LUC7L2: variants seen among roughly 807,000 people sequenced by gnomAD.
LUC7L2 encodes LUC7 like 2, pre-mRNA splicing factor.
A neutral mutation model predicts 52.8 loss-of-function variants in LUC7L2; 25 were observed. That is an observed-to-expected ratio of 0.47 (90% CI 0.34 to 0.66). The LOEUF is 0.66. LUC7L2 is among the 30% of genes least tolerant of loss of function. The pLI, the probability that LUC7L2 is intolerant of heterozygous loss-of-function variation, is 0.01. For missense variants in LUC7L2, 328 were observed against 497.8 expected, an observed-to-expected ratio of 0.66 and a Z score of 3.25; for synonymous variants, 144 against 160.9, an observed-to-expected ratio of 0.89 and a Z score of 0.80.
rs1018564031 is a variant in LUC7L2 at position 139,340,500 on chromosome 7, A to G, written c.-43A>G. 14 of 398,436 alleles carry G rather than the reference A, an allele frequency of 3.5e-5. No individual in the cohort carries two copies. The Admixed American group carries it at 3.5e-4, about 10-fold the overall frequency. 24.7% of individuals were successfully genotyped at this position (398,436 alleles called of 1,614,324 possible). A position where few individuals can be genotyped will look rare whatever the true frequency, so the allele number is the denominator to read the frequency against. The stretch of plus-strand genomic sequence containing the variant: ...CGCGCGCCCGTTCAACGTCCGGAGC[A>G]TCGGTGCAGTTTCGAGGGTAAAGCC... On this transcript the variant is annotated 5_prime_UTR_variant, in exon 1 of 11. Transcript: ENST00000541170.
chr7:139,387,529 C>T (rs1313886038), intron 2 of LUC7L2, among the ~76,000 whole-genome samples: 2 of 151,852 alleles, frequency 1.3e-5, no homozygotes, highest in African/African-American at 4.8e-5. Flanking sequence ...CTCTTGTTTC[C>T]TGATGGAAAC....
intron 2 of LUC7L2, among the ~76,000 whole-genome samples, chr7:139,384,699 C>T (rs1051822165): frequency 4.6e-5 from 7 of 152,062 alleles, no homozygotes; most frequent in Admixed American, 1.3e-4. Context: ...AAATAGTAAA[C>T]GGGGTACTCA....
intron 9 of LUC7L2, among the ~76,000 whole-genome samples, chr7:139,419,404 T>C (rs1180012787): frequency 6.6e-6 from 1 of 152,174 alleles, no homozygotes; most frequent in Non-Finnish European, 1.5e-5. Flanking sequence ...GGAGGGAGTT[T>C]GTAAAGGACA....
intron 3 of LUC7L2, among the ~76,000 whole-genome samples, chr7:139,400,277 C>T (rs942297305): frequency 6.6e-6 from 1 of 152,032 alleles, no homozygotes; most frequent in African/African-American, 2.4e-5. Flanking sequence ...GAGGCCGAGG[C>T]AGGGGTGGAT....
At chr7:139,420,148 A>G (rs1008082799) in intron 9 of LUC7L2, among the ~76,000 whole-genome samples, 2 of 152,166 alleles carry the variant, frequency 1.3e-5, no homozygotes, top group South Asian at 2.1e-4. Flanking sequence ...CTGTTCAAAC[A>G]TGTTTAGTGC....
chr7:139,413,146 A>G lies in LUC7L2; in HGVS notation c.809+566A>G, dbSNP rs528109576. On this transcript the variant is annotated intron_variant, in intron 8 of 9. Transcript: ENST00000354926. ...ATTTGCAGCCTTAAAAGAGCAAGAC[A>G]ATACTTTGTTTTGACTTTCAGCGTT... Among the ~76,000 whole-genome samples the G allele has an allele frequency of 4.6e-5, 7 of 152,356 alleles. No homozygotes were observed. The South Asian group carries it at 1.5e-3, about 32-fold the overall frequency.
intron 9 of LUC7L2, among the ~76,000 whole-genome samples, chr7:139,418,926 T>C (rs1795751134): frequency 6.6e-6 from 1 of 152,036 alleles, no homozygotes; most frequent in Admixed American, 6.6e-5. Context: ...AAGACCAGCC[T>C]GGCCAACCAA....
chr7:139,404,773 G>A (rs1018679392), intron 4 of LUC7L2, among the ~76,000 whole-genome samples: 2 of 152,206 alleles, frequency 1.3e-5, no homozygotes, highest in African/African-American at 4.8e-5. Context: ...AATCAGCAAG[G>A]TGCTATGCAG....
Position 139,423,403 on chromosome 7 carries a change from G to GTGTT in LUC7L2, c.*1065_*1068dup, listed in dbSNP as rs2116371017. ...GGCTCGACCTGCAGAAGAAACTGGG[G>GTGTT]TGTTTTTATTCTCATTCAACAAACC... On this transcript the variant is annotated 3_prime_UTR_variant, in exon 10 of 10. Transcript: ENST00000354926. 1 of 398,964 alleles carries GTGTT rather than the reference G, an allele frequency of 2.5e-6. No individual in the cohort carries two copies. The highest frequency in any genetic ancestry group is 4.4e-6 in the Non-Finnish European group (1 of 226,060). The allele number at this position is 398,964 out of a possible 1,614,324, so 24.7% of individuals were successfully genotyped here.
At chr7:139,367,466 G>T (rs757035981) in intron 1 of LUC7L2, among the ~76,000 whole-genome samples, 5 of 152,124 alleles carry the variant, frequency 3.3e-5, no homozygotes, top group Non-Finnish European at 7.4e-5. Flanking sequence ...ATTAGAAGTT[G>T]TTAAATTTAT....
chr7:139,368,171 A>T (rs1280883360), intron 1 of LUC7L2, among the ~76,000 whole-genome samples: 1 of 152,194 alleles, frequency 6.6e-6, no homozygotes, highest in East Asian at 1.9e-4. Context: ...TATTTATAGC[A>T]ATAGATTGAT....
Position 139,412,425 on chromosome 7 carries a change from G to A in LUC7L2, c.780-126G>A, listed in dbSNP as rs897492501. ...GTGTCTTTTGGAAAATTTTGTGTGC[G>A]TAGGTACACGCCTTGTATTTATAAA... On this transcript the variant is annotated intron_variant, in intron 7 of 9. Transcript: ENST00000354926. 1.0e-5 allele frequency: 12 copies of A among 1,166,038 alleles called. No individual in the cohort carries two copies. In the East Asian group the frequency reaches 2.0e-4, roughly 19 times the overall value. The allele number at this position is 1,166,038 out of a possible 1,614,324, so 72.2% of individuals were successfully genotyped here.
intron 2 of LUC7L2, among the ~76,000 whole-genome samples, chr7:139,390,231 CTCTCTCTCTT>C (rs941537820): frequency 2.0e-5 from 3 of 150,876 alleles, no homozygotes; most frequent in African/African-American, 7.4e-5. Context: ...CTCTCTCTCT[CTCTCTCTCTT>C]TTTTTCTTAT....
intron 1 of LUC7L2, 181 bp from the exon 2 acceptor site, chr7:139,375,881 A>C (rs1800680459): frequency 5.1e-6 from 3 of 591,472 alleles, no homozygotes; most frequent in Non-Finnish European, 8.6e-6. Context: ...CAGTACACTT[A>C]CTGCAACTGC....
At chr7:139,345,805 CTG>C (rs1799245579) in intron 1 of LUC7L2, 1 of 1,314,742 alleles carries the variant, frequency 7.6e-7, no homozygotes, top group Middle Eastern at 2.7e-4. Context: ...AGGTTTTTCT[CTG>C]TAATTTTGTT....
chr7:139,345,350 A>T (rs1585058110), intron 1 of LUC7L2: 1 of 1,245,474 alleles, frequency 8.0e-7, no homozygotes, highest in Non-Finnish European at 1.1e-6. Flanking sequence ...GTGCCTCTAT[A>T]GATGTATTAA....
upstream of LUC7L2, chr7:139,358,900 T>G (rs1181423526): frequency 6.6e-6 from 1 of 152,208 alleles, no homozygotes; most frequent in African/African-American, 2.4e-5. Context: ...AGGCTGATCT[T>G]GAACTCCTGA....
At chr7:139,379,370 C>CTTT (rs34846398) in intron 2 of LUC7L2, among the ~76,000 whole-genome samples, 246 of 144,526 alleles carry the variant, frequency 1.7e-3, no homozygotes, top group African/African-American at 5.5e-3. Flanking sequence ...CATTTCCTGC[C>CTTT]TTTTTTTTTT....
At chr7:139,421,282 G>A (rs1795893310) in intron 9 of LUC7L2, among the ~76,000 whole-genome samples, 2 of 152,064 alleles carry the variant, frequency 1.3e-5, no homozygotes, top group African/African-American at 4.8e-5. Flanking sequence ...TCCTAATTTT[G>A]AATATGGGTT....
Sources: gnomAD v4.1 joint callset for allele counts (sites outside exome capture counted in the v4.1 genomes callset) on GRCh38, gnomAD v4.1.1 for gene constraint, MANE v1.5 for transcripts, NCBI Gene and HGNC (gene_info 2026-07-23, HGNC 2026-07-21) for gene names.